RBP2: variants seen among roughly 807,000 people sequenced by gnomAD.
The protein encoded by RBP2 is retinol-binding protein 2.
A neutral mutation model predicts 17.0 loss-of-function variants in RBP2; 17 were observed. The observed-to-expected ratio is 1.00, with a 90% CI of 0.68 to 1.50. The LOEUF (loss-of-function observed/expected upper bound fraction) is 1.50. Among genes scored for constraint, RBP2 ranks in the 40% most tolerant of loss-of-function variants. RBP2 has a pLI of 0.00. For synonymous variants in RBP2, 48 were observed against 57.1 expected (o/e 0.84, Z 0.72); for missense variants, 158 against 168.2 (o/e 0.94, Z 0.33).
chr3:139,455,766 T>G (rs564085447), intron 2 of RBP2, among the ~76,000 whole-genome samples: 131 of 152,124 alleles, frequency 8.6e-4, no homozygotes, highest in Non-Finnish European at 1.5e-3. Flanking sequence ...ACCTTCTGGT[T>G]CTTGGGTTCC....
intron 1 of RBP2, among the ~76,000 whole-genome samples, chr3:139,475,495 A>G (rs945829807): frequency 2.0e-5 from 3 of 152,104 alleles, no homozygotes; most frequent in African/African-American, 7.2e-5. Context: ...CCACCATCAT[A>G]TCCAAGTTAT....
At chr3:139,462,558 A>AAC (rs59601422) in intron 1 of RBP2, among the ~76,000 whole-genome samples, 5,112 of 121,316 alleles carry the variant, frequency 0.042, 128 homozygotes, top group Non-Finnish European at 0.048. Flanking sequence ...GCAGCTCCCC[A>AAC]ACACACACAC....
chr3:139,475,798 T>C (rs754730588), intron 1 of RBP2, among the ~76,000 whole-genome samples: 1 of 152,146 alleles, frequency 6.6e-6, no homozygotes, highest in Non-Finnish European at 1.5e-5. Context: ...GAACCCACTC[T>C]GTGGTGAACT....
chr3:139,454,002 T>A (rs373078157), intron 3 of RBP2, among the ~76,000 whole-genome samples: 3 of 151,996 alleles, frequency 2.0e-5, no homozygotes, highest in African/African-American at 7.3e-5. Context: ...AATACTGACA[T>A]TGGAGCCAGG....
intron 1 of RBP2, among the ~76,000 whole-genome samples, chr3:139,469,257 T>C (rs193046085): frequency 5.4e-4 from 82 of 152,290 alleles, no homozygotes; most frequent in African/African-American, 2.0e-3. Flanking sequence ...TCCATGCCAC[T>C]TCCTCCTCCA....
intron 2 of RBP2, among the ~76,000 whole-genome samples, chr3:139,459,433 T>TGTGTGTGTGTGTGTGTGTG (rs1553721536): frequency 6.8e-6 from 1 of 147,624 alleles, no homozygotes; most frequent in African/African-American, 2.5e-5. Flanking sequence ...TGTGTGTGTA[T>TGTGTGTGTGTGTGTGTGTG]TCATATTTAC....
At chr3:139,468,445 A>T (rs770198571) in intron 1 of RBP2, among the ~76,000 whole-genome samples, 28 of 152,182 alleles carry the variant, frequency 1.8e-4, no homozygotes, top group Non-Finnish European at 3.4e-4. Context: ...TGCCGGGGGA[A>T]TCTTATTAGA....
intron 2 of RBP2, among the ~76,000 whole-genome samples, chr3:139,458,676 G>A (rs1933070299): frequency 6.6e-6 from 1 of 152,104 alleles, no homozygotes; most frequent in South Asian, 2.1e-4. Context: ...GAATTTGCCT[G>A]TTCTGGACGT....
At chr3:139,471,006 A>G (rs1344378699) in intron 1 of RBP2, among the ~76,000 whole-genome samples, 1 of 152,016 alleles carries the variant, frequency 6.6e-6, no homozygotes, top group African/African-American at 2.4e-5. Context: ...CTGACCACCC[A>G]TCACACGCCA....
At position 139,476,031 on chromosome 3, in the gene RBP2, G is replaced by T. The variant is rs115247003; in HGVS notation, c.73+356C>A. On this transcript the variant is annotated intron_variant, in intron 1 of 3. Transcript: ENST00000232217. ...TGGTGGATAATATCAGGTCCAAGTG[G>T]TTATCAGAGAGATGGTGGTCACAAG... Among the ~76,000 whole-genome samples, 519 of 152,282 alleles carry T rather than the reference G, an allele frequency of 3.4e-3. 5 individuals carry two copies. The highest frequency in any genetic ancestry group is 0.012 in the African/African-American group (505 of 41,560).
chr3:139,458,128 AGT>A (rs928813994), intron 2 of RBP2, among the ~76,000 whole-genome samples: 1 of 152,174 alleles, frequency 6.6e-6, no homozygotes, highest in Non-Finnish European at 1.5e-5. Context: ...CTTGGTAAAG[AGT>A]GTACAGGTGT....
At chr3:139,468,649 C>T (rs1335785434) in intron 1 of RBP2, among the ~76,000 whole-genome samples, 1 of 151,176 alleles carries the variant, frequency 6.6e-6, no homozygotes, top group Non-Finnish European at 1.5e-5. Context: ...GGATGTAGAA[C>T]ACACACACAA....
chr3:139,454,704 G>A (rs748427100), intron 3 of RBP2, 25 bp downstream of exon 3: 2 of 1,608,230 alleles, frequency 1.2e-6, no homozygotes, highest in African/African-American at 1.3e-5. Flanking sequence ...CAATGGAAGT[G>A]AGCTGAGCAG....
chr3:139,471,301 A>T (rs1278855385), intron 1 of RBP2, among the ~76,000 whole-genome samples: 1 of 152,212 alleles, frequency 6.6e-6, no homozygotes, highest in Non-Finnish European at 1.5e-5. Flanking sequence ...GTGCTCACCC[A>T]TCATGCTAGA....
At position 139,472,039 on chromosome 3, in the gene RBP2, G is replaced by A. The variant is rs114702956; in HGVS notation, c.73+4348C>T. 4.4e-3 allele frequency among the ~76,000 whole-genome samples: 672 copies of A among 152,204 alleles called. 7 individuals are homozygous for A. Among genetic ancestry groups the A allele is most frequent in the African/African-American group, 0.016 (654 of 41,532 alleles). On this transcript the variant is annotated intron_variant, in intron 1 of 3. Coordinates refer to ENST00000232217, the MANE Select transcript of RBP2 (RefSeq NM_004164.3). ...TTGCACTTCACTCCTTGGTAATACA[G>A]TGCCTTCTGGTGTCCCAGGCCCATG...
chr3:139,460,273 G>C (rs938693596), intron 2 of RBP2, among the ~76,000 whole-genome samples: 1 of 152,144 alleles, frequency 6.6e-6, no homozygotes, highest in Non-Finnish European at 1.5e-5. Flanking sequence ...TTCAGAAAAG[G>C]CTTGTTGATC....
intron 1 of RBP2, among the ~76,000 whole-genome samples, chr3:139,466,265 C>T (rs960662972): frequency 3.9e-5 from 6 of 152,148 alleles, no homozygotes; most frequent in East Asian, 1.9e-4. Flanking sequence ...CCAGGTGTCC[C>T]GACACAACTT....
intron 1 of RBP2, among the ~76,000 whole-genome samples, chr3:139,469,822 G>A (rs1391641844): frequency 1.3e-5 from 2 of 151,860 alleles, no homozygotes; most frequent in Non-Finnish European, 2.9e-5. Context: ...GCCTCCATTT[G>A]GACATACCTT....
At chr3:139,472,388 G>A (rs765865596) in intron 1 of RBP2, among the ~76,000 whole-genome samples, 4 of 152,192 alleles carry the variant, frequency 2.6e-5, no homozygotes, top group Non-Finnish European at 5.9e-5. Context: ...TGGGGTCTAT[G>A]TCCCTTTTCC....
Sources: gnomAD v4.1 joint callset for allele counts (sites outside exome capture counted in the v4.1 genomes callset) on GRCh38, gnomAD v4.1.1 for gene constraint, MANE v1.5 for transcripts, NCBI Gene and HGNC (gene_info 2026-07-23, HGNC 2026-07-21) for gene names.